DEPDC1B: variants seen among roughly 807,000 people sequenced by gnomAD.
DEPDC1B encodes the protein DEP domain-containing protein 1B.
Under a neutral mutation model 66.5 loss-of-function variants are expected in DEPDC1B, and 51 were observed. That is an observed-to-expected ratio of 0.77 (90% confidence interval 0.61 to 0.97). The LOEUF (loss-of-function observed/expected upper bound fraction) is 0.97. Ranked by LOEUF, DEPDC1B falls within the 50% of genes least tolerant of loss-of-function variation. DEPDC1B has a pLI of 0.00. For synonymous variants in DEPDC1B, 226 were observed against 223.6 expected, an observed-to-expected ratio of 1.01 and a Z score of -0.10; for missense variants, 552 against 637.1, an observed-to-expected ratio of 0.87 and a Z score of 1.44.
intron 2 of DEPDC1B, among the ~76,000 whole-genome samples, chr5:60,668,079 G>GATATTTTATATATATATAAAATGT: frequency 1.4e-5 from 1 of 72,966 alleles, no homozygotes; most frequent in Non-Finnish European, 2.5e-5. Flanking sequence ...ATATAAAATG[G>GATATTTTATATATATATAAAATGT]ATATTTTATA....
In DEPDC1B at chr5:60,647,437, G is replaced by A. The variant is rs748634977; in HGVS notation, c.411C>T (p.Gly137=). 2.4e-5 allele frequency: 39 copies of A among 1,612,494 alleles called. No homozygotes were observed. The South Asian group carries it at 4.2e-4, about 17-fold the overall frequency. ...TCACTGGGATGTTCTCTTGTGAAGTGCCTGGTGGGAGATCATTCCATTCTG... is the reference window on the plus strand; with the variant it reads ...TCACTGGGATGTTCTCTTGTGAAGTACCTGGTGGGAGATCATTCCATTCTG... ...KFPEWNDLPP[G]TSQENIPVRP... is the part of the protein sequence containing the mutation. The change falls in exon 3 of 11, where the codon GGC becomes GGT. Residue 137 remains glycine, a synonymous_variant. Coordinates refer to ENST00000265036, the MANE Select transcript of DEPDC1B (RefSeq NM_018369.3).
chr5:60,645,592 T>C lies in DEPDC1B; in HGVS notation c.478A>G (p.Ser160Gly), dbSNP rs1180221462. The C allele has an allele frequency of 1.2e-6, 2 of 1,612,522 alleles. No individual in the cohort carries two copies. The highest frequency in any genetic ancestry group is 1.3e-5 in the African/African-American group (1 of 74,826). ...GCTGGCACCTCTCCAATTGCAATAC[T>C]GTGACGCTTGTACCACATCTCAGAA... is the stretch of plus-strand genomic sequence containing the variant. ...MNSEMWYKRH[S>G]IAIGEVPACR... The change falls in exon 4 of 11, where the codon AGT becomes GGT. Residue 160 changes from serine to glycine, a missense_variant. By Grantham distance (56) the Ser-to-Gly change is moderately conservative. Coordinates refer to ENST00000265036, the MANE Select transcript of DEPDC1B (RefSeq NM_018369.3).
At chr5:60,614,817 C>G (rs186528024) in intron 7 of DEPDC1B, among the ~76,000 whole-genome samples, 82 of 152,072 alleles carry the variant, frequency 5.4e-4, no homozygotes, top group African/African-American at 1.8e-3. Context: ...ATGGCAAAAC[C>G]CTGTCTCTAC....
chr5:60,668,015 A>ATATATATATAAAATGGATATTT (rs1185676616), intron 2 of DEPDC1B, among the ~76,000 whole-genome samples: 1 of 107,880 alleles, frequency 9.3e-6, no homozygotes, highest in African/African-American at 4.3e-5. Flanking sequence ...TGGATATTTT[A>ATATATATATAAAATGGATATTT]TATATATATA....
chr5:60,658,662 G>A (rs1056017179), intron 2 of DEPDC1B, among the ~76,000 whole-genome samples: 1 of 152,186 alleles, frequency 6.6e-6, no homozygotes, highest in African/African-American at 2.4e-5. Context: ...AAAGCAGGAG[G>A]TAAAGAAATA....
intron 2 of DEPDC1B, among the ~76,000 whole-genome samples, chr5:60,678,348 A>C (rs1310121269): frequency 6.6e-6 from 1 of 152,214 alleles, no homozygotes; most frequent in African/African-American, 2.4e-5. Context: ...GGTTATTTCC[A>C]GTTACTGGCA....
chr5:60,662,091 T>TAA (rs527796506), intron 2 of DEPDC1B, among the ~76,000 whole-genome samples: 3 of 147,762 alleles, frequency 2.0e-5, no homozygotes, highest in Admixed American at 6.7e-5. Flanking sequence ...CTGCAGACAT[T>TAA]AAAAAAAAAA....
intron 2 of DEPDC1B, chr5:60,648,265 C>G (rs1753367122): frequency 6.6e-6 from 1 of 152,104 alleles, no homozygotes; most frequent in Admixed American, 6.5e-5. Context: ...CCTTTATCAG[C>G]TTAGAGACTA....
At chr5:60,613,899 A>G (rs920381355) in intron 7 of DEPDC1B, among the ~76,000 whole-genome samples, 3 of 151,586 alleles carry the variant, frequency 2.0e-5, no homozygotes, top group African/African-American at 4.9e-5. Flanking sequence ...GCATTCCTGT[A>G]TGACCACCCA....
At chr5:60,624,821 A>ACAAACCAAAGTAATGT (rs899966690) in intron 7 of DEPDC1B, among the ~76,000 whole-genome samples, 1 of 152,148 alleles carries the variant, frequency 6.6e-6, no homozygotes, top group Non-Finnish European at 1.5e-5. Context: ...TGTGGCACCC[A>ACAAACCAAAGTAATGT]CAAACCAAAG....
intron 2 of DEPDC1B, among the ~76,000 whole-genome samples, chr5:60,668,226 G>T (rs1753943242): frequency 2.1e-5 from 1 of 48,074 alleles, no homozygotes; most frequent in Non-Finnish European, 3.8e-5. Flanking sequence ...TATATAAAAT[G>T]GATATTTTAT....
At chr5:60,623,272 A>C (rs1056913946) in intron 7 of DEPDC1B, among the ~76,000 whole-genome samples, 1 of 152,138 alleles carries the variant, frequency 6.6e-6, no homozygotes, top group Non-Finnish European at 1.5e-5. Flanking sequence ...GCTGAAAATC[A>C]CTTGACTACA....
chr5:60,638,995 C>T, intron 6 of DEPDC1B, 105 bp from the exon 7 acceptor site: 1 of 1,358,210 alleles, frequency 7.4e-7, no homozygotes. Context: ...AGATATTTGA[C>T]ATATACAGAA....
rs760880988 is a variant in DEPDC1B, at chr5:60,603,548, C to T, written c.1085G>A (p.Arg362His). ...TTCATCCTTGGAACACAAGATGCAA[C>T]GGGAAAATGTCTGAACCATCTAAAA... is the stretch of plus-strand genomic sequence containing the variant. ...TRTLMVQTFS[R>H]CILCSKDEVD... The change falls in exon 9 of 11, where the codon CGT (arginine) becomes CAT (histidine). Residue 362 changes from arginine (R) to histidine (H), a missense_variant. Transcript: ENST00000265036. The T allele has an allele frequency of 2.9e-5, 47 of 1,602,676 alleles. No individual in the cohort carries two copies. The highest frequency in any genetic ancestry group is 1.6e-4 in the East Asian group (7 of 44,668).
intron 7 of DEPDC1B, among the ~76,000 whole-genome samples, chr5:60,634,526 G>C (rs1752997518): frequency 6.6e-6 from 1 of 151,898 alleles, no homozygotes; most frequent in African/African-American, 2.4e-5. Flanking sequence ...CAAAAAATTA[G>C]CTGGGCATGG....
intron 2 of DEPDC1B, 70 bp from the exon 3 acceptor site, chr5:60,647,603 C>T: frequency 6.6e-7 from 1 of 1,509,990 alleles, no homozygotes; most frequent in Non-Finnish European, 8.9e-7. Flanking sequence ...CAATAGTCTC[C>T]ACTTTGGTGT....
chr5:60,639,150 T>G (rs1488483698), intron 6 of DEPDC1B, among the ~76,000 whole-genome samples: 2 of 152,182 alleles, frequency 1.3e-5, no homozygotes, highest in Admixed American at 1.3e-4. Flanking sequence ...AATCACTGGC[T>G]TACTTCCATT....
At chr5:60,655,074 G>A (rs1753546580) in intron 2 of DEPDC1B, among the ~76,000 whole-genome samples, 2 of 148,976 alleles carry the variant, frequency 1.3e-5, no homozygotes, top group African/African-American at 5.1e-5. Flanking sequence ...AGGGATATTG[G>A]TCTATAGTTT....
intron 8 of DEPDC1B, 80 bp from the exon 9 acceptor site, chr5:60,603,647 A>C: frequency 7.1e-7 from 1 of 1,403,174 alleles, no homozygotes; most frequent in Non-Finnish European, 9.5e-7. Flanking sequence ...CAAAAGGCAA[A>C]TATGAGAAAT....
Sources: gnomAD v4.1 joint callset for allele counts (sites outside exome capture counted in the v4.1 genomes callset) on GRCh38, gnomAD v4.1.1 for gene constraint, MANE v1.5 for transcripts, NCBI Gene and HGNC (gene_info 2026-07-23, HGNC 2026-07-21) for gene names.